Variants in C2orf92 observed in about 807,000 individuals in gnomAD.
C2orf92 encodes uncharacterized protein C2orf92.
chr2:97,665,733 CTCTCTATATATATATA>C (rs1236302173), upstream of C2orf92: 102 of 19,766 alleles, frequency 5.2e-3, no homozygotes, highest in African/African-American at 0.016. Flanking sequence ...CTCTCTCTCT[CTCTCTATATATATATA>C]TATATATATA....
At chr2:97,685,190 A>G (rs1675914081) in intron 3 of C2orf92, among the ~76,000 whole-genome samples, 2 of 151,470 alleles carry the variant, frequency 1.3e-5, no homozygotes, top group Non-Finnish European at 2.9e-5. Context: ...CGGCCTCCCA[A>G]AGTGTTGGGA....
At chr2:97,693,989 A>G (rs1676222806) in intron 5 of C2orf92, among the ~76,000 whole-genome samples, 1 of 152,148 alleles carries the variant, frequency 6.6e-6, no homozygotes, top group African/African-American at 2.4e-5. Flanking sequence ...ATGTTGTGCA[A>G]CCATCACCAG....
intron 3 of C2orf92, among the ~76,000 whole-genome samples, chr2:97,676,350 C>G (rs2104545630): frequency 6.9e-6 from 1 of 144,144 alleles, no homozygotes; most frequent in East Asian, 2.1e-4. Flanking sequence ...AGGATAATTG[C>G]TTGAACCCGG....
upstream of C2orf92, among the ~76,000 whole-genome samples, chr2:97,667,537 A>G (rs1172016035): frequency 3.4e-5 from 5 of 145,004 alleles, no homozygotes; most frequent in Non-Finnish European, 7.5e-5. Context: ...GGTTCATGCC[A>G]TTCTCCTGCC....
chr2:97,690,506 A>G (rs1040348393), intron 5 of C2orf92, among the ~76,000 whole-genome samples, 179 bp downstream of exon 5: 2 of 151,450 alleles, frequency 1.3e-5, no homozygotes, highest in Non-Finnish European at 2.9e-5. Flanking sequence ...TCAGCCTCCC[A>G]AGTAGCTGTG....
intron 5 of C2orf92, chr2:97,694,731 AGGTATTTTG>A (rs1404175835): frequency 6.6e-6 from 1 of 152,080 alleles, no homozygotes; most frequent in East Asian, 1.9e-4. Context: ...CCCTGCTTTC[AGGTATTTTG>A]GGTATATACT....
At position 97,697,602 on chromosome 2, in the gene C2orf92, T is replaced by C. The variant is rs115048719; in HGVS notation, c.404-1424T>C. Among the ~76,000 whole-genome samples, 289 of 152,384 alleles carry C rather than the reference T, an allele frequency of 1.9e-3. 3 individuals carry two copies. Among genetic ancestry groups the C allele is most frequent in the Admixed American group, 8.8e-3 (134 of 15,310 alleles). On this transcript the variant is annotated intron_variant, in intron 5 of 7. Coordinates refer to ENST00000627399, the MANE Select transcript of C2orf92 (RefSeq NM_001351368.2). The stretch of plus-strand genomic sequence containing the variant: ...AGTTTTCTCTCTTTTCTAAGCCAAG[T>C]TGAATAAGGAACAAATTTCTCTCTT...
chr2:97,700,982 C>T (rs985874470), intron 6 of C2orf92, among the ~76,000 whole-genome samples, 172 bp from the exon 7 acceptor site: 2 of 152,176 alleles, frequency 1.3e-5, no homozygotes, highest in African/African-American at 2.4e-5. Flanking sequence ...CCGCCCGCCT[C>T]AGCCTCCCAA....
chr2:97,681,106 CAAAAAA>C (rs58856044), intron 3 of C2orf92, among the ~76,000 whole-genome samples: 1,133 of 11,686 alleles, frequency 0.097, 6 homozygotes, highest in African/African-American at 0.2. Context: ...GACTCCATCT[CAAAAAA>C]AAAAAAAAAA....
upstream of C2orf92, chr2:97,668,644 A>G (rs942759066): frequency 1.3e-5 from 2 of 152,308 alleles, no homozygotes; most frequent in African/African-American, 2.4e-5. Flanking sequence ...GTCCACTTCT[A>G]TGCAGATTAT....
At chr2:97,691,330 G>A (rs1407850359) in intron 5 of C2orf92, among the ~76,000 whole-genome samples, 1 of 152,180 alleles carries the variant, frequency 6.6e-6, no homozygotes, top group Non-Finnish European at 1.5e-5. Context: ...ACTGACCTGG[G>A]CAGGTCCTTC....
At position 97,692,322 on chromosome 2, in the gene C2orf92, A is replaced by G. The variant is rs769789276; in HGVS notation, c.403+1995A>G. 2.6e-5 allele frequency among the ~76,000 whole-genome samples: 4 copies of G among 151,894 alleles called. No individual in the cohort carries two copies. The East Asian group carries it at 5.8e-4, about 22-fold the overall frequency. On this transcript the variant is annotated intron_variant, in intron 5 of 7. Coordinates refer to ENST00000627399, the MANE Select transcript of C2orf92 (RefSeq NM_001351368.2). ...CTCTACCTACTTAATGTTTGGGTAT[A>G]GGAAGGCTTGATTTTTATATATTAA...
chr2:97,690,259 C>A lies in C2orf92; in HGVS notation c.335C>A (p.Thr112Asn), dbSNP rs1015268466. 23 of 398,984 alleles carry A rather than the reference C, an allele frequency of 5.8e-5. No individual in the cohort carries two copies. The highest frequency in any genetic ancestry group is 3.1e-4 in the African/African-American group (15 of 48,752). 24.7% of individuals were successfully genotyped at this position (398,984 alleles called of 1,614,324 possible). The change falls in exon 5 of 8, where the codon ACC becomes AAC. Residue 112 changes from threonine (T) to asparagine (N), a missense_variant. Coordinates refer to ENST00000627399, the MANE Select transcript of C2orf92 (RefSeq NM_001351368.2). ...TTATTCATGTGTCTTATCAAAGGAA[C>A]CAGCATTGCTTGGAATTCTCCTAAA... Reference protein sequence around the residue: ...SITKTDMRKGTSIAWNSPKPE... With the variant: ...SITKTDMRKGNSIAWNSPKPE...
At chr2:97,676,334 T>C (rs1675575856) in intron 3 of C2orf92, among the ~76,000 whole-genome samples, 2 of 147,746 alleles carry the variant, frequency 1.4e-5, no homozygotes, top group South Asian at 4.3e-4. Flanking sequence ...CTCGGGAGGT[T>C]GAGGCAGGAT....
intron 5 of C2orf92, among the ~76,000 whole-genome samples, chr2:97,693,293 T>A (rs1676199371): frequency 6.6e-6 from 1 of 152,214 alleles, no homozygotes; most frequent in Non-Finnish European, 1.5e-5. Flanking sequence ...TGAATATAGG[T>A]ATGCAAATAT....
upstream of C2orf92, chr2:97,668,543 C>A (rs1034472830): frequency 6.6e-6 from 1 of 152,270 alleles, no homozygotes; most frequent in African/African-American, 2.4e-5. Context: ...AAAGAACCAG[C>A]CCTGCTGACG....
intron 6 of C2orf92, among the ~76,000 whole-genome samples, chr2:97,700,506 T>G (rs944805460): frequency 2.1e-4 from 32 of 152,296 alleles, no homozygotes; most frequent in African/African-American, 7.0e-4. Context: ...ATCTGAGCTC[T>G]CCTCTGTTCT....
At chr2:97,696,886 A>G (rs894831252) in intron 5 of C2orf92, among the ~76,000 whole-genome samples, 2 of 152,274 alleles carry the variant, frequency 1.3e-5, no homozygotes, top group Admixed American at 1.3e-4. Context: ...TCATAGGTCC[A>G]CTGAATGGAA....
At position 97,675,779 on chromosome 2, in the gene C2orf92, A is replaced by G. The variant is rs140315294; in HGVS notation, c.149-66A>G. On this transcript the variant is annotated intron_variant, in intron 2 of 7. Transcript: ENST00000627399. ...CAAAATCCCGTGCAGAAGAGTATCA[A>G]TCTGAAGGGAACAGCTGCAGACCCA... 1.3e-3 allele frequency: 517 copies of G among 399,014 alleles called. 2 individuals are homozygous for G. Among genetic ancestry groups the G allele is most frequent in the African/African-American group, 9.7e-3 (474 of 48,780 alleles). 24.7% of individuals were successfully genotyped at this position (399,014 alleles called of 1,614,324 possible).
Sources: gnomAD v4.1 joint callset for allele counts (sites outside exome capture counted in the v4.1 genomes callset) on GRCh38, gnomAD v4.1.1 for gene constraint, MANE v1.5 for transcripts, NCBI Gene and HGNC (gene_info 2026-07-23, HGNC 2026-07-21) for gene names.